RBFOX1: variants seen among roughly 807,000 people sequenced by gnomAD.
RBFOX1 encodes the protein RNA binding fox-1 homolog 1.
Under a neutral mutation model 57.7 loss-of-function variants are expected in RBFOX1, and 8 were observed. The observed-to-expected ratio is 0.14, with a 90% CI of 0.08 to 0.25. RBFOX1 has a LOEUF of 0.25. RBFOX1 is among the 10% of genes least tolerant of loss of function. The probability of loss-of-function intolerance (pLI) is 1.00; values close to 1 mark genes in which losing one functional copy is unlikely to be tolerated. For synonymous variants in RBFOX1, 326 were observed against 222.4 expected (o/e 1.47, Z -4.15); for missense variants, 611 against 548.5 (o/e 1.11, Z -1.14).
At chr16:6,907,972 A>C (rs753337126) in intron 3 of RBFOX1, among the ~76,000 whole-genome samples, 11 of 151,642 alleles carry the variant, frequency 7.3e-5, no homozygotes, top group Non-Finnish European at 1.5e-4. Context: ...CCCCGTGAGC[A>C]TGGATGTCTC....
At chr16:6,971,988 G>A (rs2085657811) in intron 3 of RBFOX1, among the ~76,000 whole-genome samples, 1 of 152,114 alleles carries the variant, frequency 6.6e-6, no homozygotes, top group Non-Finnish European at 1.5e-5. Flanking sequence ...GGCAATCCCT[G>A]CACGCAAGTT....
intron 4 of RBFOX1, among the ~76,000 whole-genome samples, chr16:7,052,967 C>G (rs1413665243): frequency 1.3e-5 from 2 of 151,806 alleles, no homozygotes. Flanking sequence ...AAATATGCTG[C>G]TTTTAAAACC....
chr16:7,139,174 C>CTGTGTGTGTGTGTGTGTG (rs1276311817), intron 4 of RBFOX1, among the ~76,000 whole-genome samples: 10 of 22,776 alleles, frequency 4.4e-4, no homozygotes, highest in African/African-American at 6.2e-4. Context: ...ATCAATCTCT[C>CTGTGTGTGTGTGTGTGTG]TCTGTGTGTG....
chr16:7,659,876 C>T (rs1250046610), intron 12 of RBFOX1, among the ~76,000 whole-genome samples: 1 of 152,074 alleles, frequency 6.6e-6, no homozygotes, highest in Non-Finnish European at 1.5e-5. Context: ...TTCACAGATG[C>T]CTTTAATAAT....
chr16:7,174,094 C>G lies in RBFOX1; in HGVS notation c.27+121996C>G, dbSNP rs111783342. 1.0e-2 allele frequency among the ~76,000 whole-genome samples: 1,518 copies of G among 152,208 alleles called. 19 individuals carry two copies. The highest frequency in any genetic ancestry group is 0.035 in the African/African-American group (1,449 of 41,518). On this transcript the variant is annotated intron_variant, in intron 4 of 15. Transcript: ENST00000550418. ...ATGGTGATTTAAGCTCTAGATTTGC[C>G]TTTCCTGGACAGGTTGTAGAAATAA...
At chr16:6,319,764 G>A (rs34721697) in intron 2 of RBFOX1, among the ~76,000 whole-genome samples, 48,726 of 152,038 alleles carry the variant, frequency 0.32, 8,239 homozygotes, top group Middle Eastern at 0.41. Flanking sequence ...AAAGCTCACA[G>A]TAGCAGGGTC....
chr16:5,354,526 G>A (rs918137682), intron 1 of RBFOX1, among the ~76,000 whole-genome samples: 9 of 152,166 alleles, frequency 5.9e-5, no homozygotes, highest in Non-Finnish European at 8.8e-5. Flanking sequence ...GGTGGTGCCC[G>A]CAATGTGGGG....
intron 4 of RBFOX1, among the ~76,000 whole-genome samples, chr16:7,280,887 C>A (rs932157636): frequency 3.3e-5 from 5 of 151,788 alleles, no homozygotes; most frequent in African/African-American, 1.2e-4. Flanking sequence ...TTTGTACTCA[C>A]TAAAGAAAGG....
rs574286189 is a variant in RBFOX1, at chr16:7,372,870, G to T, written c.28-145277G>T. The stretch of plus-strand genomic sequence containing the variant: ...TATACGAAGAATATCTTGCTTCTAG[G>T]TGGCTTTATATTTGAGCTTTTCTAT... On this transcript the variant is annotated intron_variant, in intron 4 of 15. Transcript: ENST00000550418. Among the ~76,000 whole-genome samples, 8 of 152,146 alleles carry T rather than the reference G, an allele frequency of 5.3e-5. 1 individual carries two copies. The South Asian group carries it at 1.7e-3, about 32-fold the overall frequency.
intron 3 of RBFOX1, among the ~76,000 whole-genome samples, chr16:5,622,673 C>G (rs1567310912): frequency 6.6e-6 from 1 of 152,214 alleles, no homozygotes; most frequent in Non-Finnish European, 1.5e-5. Context: ...ACAGCCACAC[C>G]TGTTCATTTA....
intron 8 of RBFOX1, among the ~76,000 whole-genome samples, chr16:7,596,620 G>T (rs2094714642): frequency 6.6e-6 from 1 of 151,856 alleles, no homozygotes; most frequent in Non-Finnish European, 1.5e-5. Flanking sequence ...TTTTTGACTT[G>T]TCGTATTAAG....
chr16:7,161,799 A>G lies in RBFOX1; in HGVS notation c.27+109701A>G, dbSNP rs556751177. Among the ~76,000 whole-genome samples, 9 of 152,322 alleles carry G rather than the reference A, an allele frequency of 5.9e-5. No individual in the cohort carries two copies. The East Asian group carries it at 1.5e-3, about 26-fold the overall frequency. ...TTATAGAGGTGATTTCAGCACAAGC[A>G]CTGGATGTTTAGAAGTTTCTAGTCA... is the stretch of plus-strand genomic sequence containing the variant. On this transcript the variant is annotated intron_variant, in intron 4 of 15. Transcript: ENST00000550418.
At chr16:6,825,840 C>G (rs1465286786) in intron 3 of RBFOX1, among the ~76,000 whole-genome samples, 2 of 152,128 alleles carry the variant, frequency 1.3e-5, no homozygotes, top group African/African-American at 2.4e-5. Context: ...CATCTTCCAT[C>G]CGGAAGGAGG....
At chr16:6,901,921 A>G (rs1249523872) in intron 3 of RBFOX1, among the ~76,000 whole-genome samples, 1 of 152,194 alleles carries the variant, frequency 6.6e-6, no homozygotes, top group Non-Finnish European at 1.5e-5. Context: ...CTGGCTTTTA[A>G]GCAGGGATTT....
At chr16:6,981,524 A>G (rs1488661231) in intron 3 of RBFOX1, among the ~76,000 whole-genome samples, 2 of 152,160 alleles carry the variant, frequency 1.3e-5, no homozygotes, top group Non-Finnish European at 2.9e-5. Flanking sequence ...ATAAAGACGT[A>G]CCTGAGACTG....
At chr16:6,559,673 A>G (rs1753260219) in intron 2 of RBFOX1, among the ~76,000 whole-genome samples, 1 of 152,078 alleles carries the variant, frequency 6.6e-6, no homozygotes, top group African/African-American at 2.4e-5. Context: ...CACACAAATA[A>G]GTACATAGGT....
chr16:5,365,401 C>T (rs1282909070), intron 1 of RBFOX1, among the ~76,000 whole-genome samples: 1 of 152,234 alleles, frequency 6.6e-6, no homozygotes, highest in Non-Finnish European at 1.5e-5. Flanking sequence ...GGCACAGTGT[C>T]TCACACCTGT....
At chr16:5,596,111 T>G (rs933299922) in intron 2 of RBFOX1, among the ~76,000 whole-genome samples, 6 of 151,980 alleles carry the variant, frequency 3.9e-5, no homozygotes, top group Admixed American at 3.9e-4. Flanking sequence ...GGAAAGCCCC[T>G]AGCTAGGGGG....
At chr16:6,789,106 T>A (rs976281442) in intron 3 of RBFOX1, among the ~76,000 whole-genome samples, 1 of 152,056 alleles carries the variant, frequency 6.6e-6, no homozygotes, top group Non-Finnish European at 1.5e-5. Flanking sequence ...CCTCCCTGAA[T>A]TTACCAGATT....
Sources: allele counts gnomAD v4.1 joint callset (sites outside exome capture counted in the v4.1 genomes callset), GRCh38; gene constraint gnomAD v4.1.1; transcripts MANE v1.5; gene names NCBI Gene and HGNC (gene_info 2026-07-23, HGNC 2026-07-21).